NTF3: variants seen among roughly 807,000 people sequenced by gnomAD.
NTF3 encodes the protein neurotrophin 3, also known as neurotrophin-3.
NTF3 carries 8 observed loss-of-function variants against 26.3 expected under a neutral mutation model. The observed-to-expected ratio is 0.30, with a 90% confidence interval of 0.18 to 0.55. The LOEUF is 0.55. Ranked by LOEUF, NTF3 falls within the 20% of genes least tolerant of loss-of-function variation. The pLI is 0.93. For missense variants in NTF3, 276 were observed against 352.9 expected, an observed-to-expected ratio of 0.78 and a Z score of 1.75; for synonymous variants, 154 against 145.5, an observed-to-expected ratio of 1.06 and a Z score of -0.42.
intron 1 of NTF3, among the ~76,000 whole-genome samples, chr12:5,467,049 G>A (rs1940598733): frequency 6.6e-6 from 1 of 151,970 alleles, no homozygotes; most frequent in Admixed American, 6.6e-5. Context: ...GGCCAAGATG[G>A]TGAAACCCCG....
intron 1 of NTF3, among the ~76,000 whole-genome samples, chr12:5,492,482 G>A (rs1297165298): frequency 6.6e-6 from 1 of 152,158 alleles, no homozygotes; most frequent in Non-Finnish European, 1.5e-5. Flanking sequence ...GCATTTTGTT[G>A]GGCCTGTAAT....
At position 5,433,517 on chromosome 12, in the gene NTF3, TGCGCGTCCAGGAG is replaced by T. The variant is rs2121129538; in HGVS notation, c.18+1180_18+1192del. Among the ~76,000 whole-genome samples the T allele has an allele frequency of 6.6e-6, 1 of 151,318 alleles. No homozygotes were observed. Among genetic ancestry groups the T allele is most frequent in the South Asian group, 2.1e-4 (1 of 4,782 alleles). On this transcript the variant is annotated intron_variant, in intron 1 of 1. Coordinates refer to ENST00000423158, the MANE Select transcript of NTF3 (RefSeq NM_001102654.2). This position sits in a 1 kb window ranked among gnomAD's most constrained non-coding sequence, Gnocchi z 4.6. The stretch of plus-strand genomic sequence containing the variant: ...GCTTGTTGCTCTCCGCGGGAGTGGG[TGCGCGTCCAGGAG>T]GCGCTGCTTCTTTGCGGGAGTTTGG...
rs745655469 is a variant in NTF3 at position 5,494,507 on chromosome 12, G to T, written c.332G>T (p.Arg111Leu). ...ACCGAACTGCTGCGACAACAGAGAC[G>T]CTACAACTCACCGCGGGTCCTGCTG... ...MDTELLRQQR[R>L]YNSPRVLLSD... Residue 111 changes from arginine (R) to leucine (L), a missense_variant, in exon 2 of 2, where the codon CGC becomes CTC. Around this residue, in one of 3 missense-constraint regions of NTF3, gnomAD observed 221 missense variants for 258.2 expected, o/e 0.86. Transcript: ENST00000423158. This position sits in a 1 kb window ranked among gnomAD's most constrained non-coding sequence, Gnocchi z 8.3. 1.9e-6 allele frequency: 3 copies of T among 1,613,920 alleles called. No homozygotes were observed. The highest frequency in any genetic ancestry group is 2.2e-5 in the East Asian group (1 of 44,864).
chr12:5,470,724 G>T (rs888680035), intron 1 of NTF3, among the ~76,000 whole-genome samples: 1 of 152,120 alleles, frequency 6.6e-6, no homozygotes, highest in Non-Finnish European at 1.5e-5. Context: ...CCCTCTGCTC[G>T]GCCTGCCCAT....
intron 1 of NTF3, among the ~76,000 whole-genome samples, chr12:5,440,147 A>G (rs1415061066): frequency 6.6e-6 from 1 of 152,174 alleles, no homozygotes; most frequent in East Asian, 1.9e-4. Flanking sequence ...TACCACATAT[A>G]CATCATCAAG....
chr12:5,431,743 C>T (rs2121124203), upstream of NTF3, among the ~76,000 whole-genome samples: 1 of 152,084 alleles, frequency 6.6e-6, no homozygotes, highest in East Asian at 1.9e-4. Flanking sequence ...GAAAAAGAAC[C>T]ACTAAGAAAG....
At chr12:5,457,616 C>G (rs901845808) in intron 1 of NTF3, among the ~76,000 whole-genome samples, 9 of 152,158 alleles carry the variant, frequency 5.9e-5, no homozygotes, top group African/African-American at 2.2e-4. Context: ...TATATCTTAT[C>G]TCTCAAATGC....
chr12:5,442,865 G>T (rs1286297462), intron 1 of NTF3, among the ~76,000 whole-genome samples: 1 of 152,196 alleles, frequency 6.6e-6, no homozygotes, highest in Non-Finnish European at 1.5e-5. Context: ...GATACCAAGA[G>T]ATACAAAGCA....
chr12:5,469,635 G>GA (rs1438832932), intron 1 of NTF3, among the ~76,000 whole-genome samples: 1 of 152,200 alleles, frequency 6.6e-6, no homozygotes, highest in African/African-American at 2.4e-5. Context: ...GCCGAATGAA[G>GA]AAAAAATGTA....
upstream of NTF3, chr12:5,432,012 G>A: frequency 1.3e-5 from 2 of 153,834 alleles, no homozygotes; most frequent in Non-Finnish European, 1.4e-5. Context: ...CGGGCCGGCG[G>A]GGGAGGGCGG....
chr12:5,471,227 A>T (rs909191404), intron 1 of NTF3, among the ~76,000 whole-genome samples: 1 of 152,116 alleles, frequency 6.6e-6, no homozygotes, highest in Non-Finnish European at 1.5e-5. Flanking sequence ...TAGAAACAGC[A>T]ATCCACAGGG....
At position 5,495,136 on chromosome 12, in the gene NTF3, A is replaced by T; in HGVS notation, c.*148A>T. The T allele has an allele frequency of 1.1e-6, 1 of 882,754 alleles. No individual in the cohort carries two copies. Among genetic ancestry groups the T allele is most frequent in the Non-Finnish European group, 1.7e-6 (1 of 589,500 alleles). The allele number at this position is 882,754 out of a possible 1,614,324, so 54.7% of individuals were successfully genotyped here. ...CCTACAGTATATAAGCTTTTTTCTCAATAAAATCAGTGTGCTTGCCTTCCC... is the reference window on the plus strand; with the variant it reads ...CCTACAGTATATAAGCTTTTTTCTCTATAAAATCAGTGTGCTTGCCTTCCC... On this transcript the variant is annotated 3_prime_UTR_variant, in exon 2 of 2. Coordinates refer to ENST00000423158, the MANE Select transcript of NTF3 (RefSeq NM_001102654.2).
In NTF3 at chr12:5,495,214, C is replaced by T; in HGVS notation, c.*226C>T. 1 of 530,914 alleles carries T rather than the reference C, an allele frequency of 1.9e-6. No individual in the cohort carries two copies. Among genetic ancestry groups the T allele is most frequent in the East Asian group, 3.4e-5 (1 of 29,312 alleles). The allele number at this position is 530,914 out of a possible 1,614,324, so 32.9% of individuals were successfully genotyped here. A position where few individuals can be genotyped will look rare whatever the true frequency, so the allele number is the denominator to read the frequency against. ...GTTTTGTGATCCGGCTCTCAGGAGT[C>T]ACTCTGTAAAATCTGTGTACACCAG... On this transcript the variant is annotated 3_prime_UTR_variant, in exon 2 of 2. Transcript: ENST00000423158.
intron 1 of NTF3, among the ~76,000 whole-genome samples, chr12:5,476,205 C>T (rs1458294420): frequency 1.3e-5 from 2 of 152,184 alleles, no homozygotes; most frequent in African/African-American, 4.8e-5. Context: ...CACCCCTTTT[C>T]ACTTTTGAAA....
chr12:5,465,983 C>A (rs1224223299), intron 1 of NTF3, among the ~76,000 whole-genome samples: 1 of 152,236 alleles, frequency 6.6e-6, no homozygotes, highest in Non-Finnish European at 1.5e-5. Context: ...CAAGACCACC[C>A]AACTTGTAAG....
At chr12:5,452,886 C>T (rs1591595474) in intron 1 of NTF3, among the ~76,000 whole-genome samples, 1 of 152,264 alleles carries the variant, frequency 6.6e-6, no homozygotes, top group East Asian at 1.9e-4. Context: ...CTTCCTACTC[C>T]CCACCCCGAC....
intron 1 of NTF3, among the ~76,000 whole-genome samples, chr12:5,482,003 GCATA>G (rs1045836216): frequency 6.6e-6 from 1 of 151,230 alleles, no homozygotes; most frequent in African/African-American, 2.4e-5. Context: ...ATACATGCAT[GCATA>G]CACACACTAC....
intron 1 of NTF3, among the ~76,000 whole-genome samples, chr12:5,446,326 C>G (rs1940304983): frequency 6.6e-6 from 1 of 152,102 alleles, no homozygotes; most frequent in African/African-American, 2.4e-5. Context: ...ATCAGACTTC[C>G]TACACTGGTT....
At chr12:5,446,459 G>C (rs1940306980) in intron 1 of NTF3, among the ~76,000 whole-genome samples, 1 of 152,180 alleles carries the variant, frequency 6.6e-6, no homozygotes, top group South Asian at 2.1e-4. Context: ...TGTTCTGTGG[G>C]ATTCAGCAAT....
Sources: allele counts gnomAD v4.1 joint callset (sites outside exome capture counted in the v4.1 genomes callset), GRCh38; gene constraint gnomAD v4.1.1; regional missense constraint gnomAD v4.1.1; non-coding constraint Gnocchi (gnomAD v3.1); transcripts MANE v1.5; gene names NCBI Gene and HGNC (gene_info 2026-07-23, HGNC 2026-07-21).